Variants in ABCF1 observed in about 807,000 individuals in gnomAD.
ABCF1 encodes the protein ATP-binding cassette sub-family F member 1.
A neutral mutation model predicts 126.3 loss-of-function variants in ABCF1; 73 were observed. The ratio of observed to expected loss-of-function variants is 0.58; its 90% confidence interval spans 0.48 to 0.70. The LOEUF is 0.70. Ranked by LOEUF, ABCF1 falls within the 30% of genes least tolerant of loss-of-function variation. ABCF1 has a pLI of 0.00. For missense variants in ABCF1, 786 were observed against 1,057.5 expected, an observed-to-expected ratio of 0.74 and a Z score of 3.56; for synonymous variants, 345 against 396.4, an observed-to-expected ratio of 0.87 and a Z score of 1.54.
rs374230455 is a variant in ABCF1 at position 30,577,919 on chromosome 6, A to C, written c.216+6A>C. The stretch of plus-strand genomic sequence containing the variant: ...AGCAGCAACAGCAACAGCAGGTACA[A>C]GTGCCACAGGGCCCACCAATCCTGG... On this transcript the variant is annotated splice_donor_region_variant and intron_variant, in intron 3 of 24. Transcript: ENST00000326195. The C allele has an allele frequency of 1.5e-5, 25 of 1,613,970 alleles. No individual in the cohort carries two copies. In the African/African-American group the frequency reaches 2.9e-4, roughly 19 times the overall value.
rs1801982165 is a variant in ABCF1 at position 30,584,160 on chromosome 6, G to A, written c.1103-32G>A. 1 of 1,595,328 alleles carries A rather than the reference G, an allele frequency of 6.3e-7. No individual in the cohort carries two copies. Among genetic ancestry groups the A allele is most frequent in the Non-Finnish European group, 8.5e-7 (1 of 1,171,714 alleles). On this transcript the variant is annotated intron_variant, in intron 12 of 24. Coordinates refer to ENST00000326195, the MANE Select transcript of ABCF1 (RefSeq NM_001025091.2). This position sits in a 1 kb window ranked among gnomAD's most constrained non-coding sequence, Gnocchi z 4.6. ...GAAAGATGAGACTCTTGGCTCTTGAGGCTGCCTGACTGTTCTCCCTCTGCC... is the reference window on the plus strand; with the variant it reads ...GAAAGATGAGACTCTTGGCTCTTGAAGCTGCCTGACTGTTCTCCCTCTGCC...
rs140518607 is a variant in ABCF1 at position 30,579,552 on chromosome 6, G to A, written c.490-379G>A. On this transcript the variant is annotated intron_variant, in intron 6 of 24. Transcript: ENST00000326195. ...GGCTCACTGCAACCTCCGCCTCCCG[G>A]GTTCAAGTGATTCTCCTGCCTCAGC... is the stretch of plus-strand genomic sequence containing the variant. 8.0e-3 allele frequency among the ~76,000 whole-genome samples: 1,206 copies of A among 150,906 alleles called. 13 individuals are homozygous for A. Among genetic ancestry groups the A allele is most frequent in the African/African-American group, 0.026 (1,064 of 40,996 alleles).
At chr6:30,579,113 T>G (rs1582578268) in intron 6 of ABCF1, among the ~76,000 whole-genome samples, 2 of 152,328 alleles carry the variant, frequency 1.3e-5, no homozygotes, top group Admixed American at 6.5e-5. Context: ...GCTCTTCTAC[T>G]TGTGACTCTT....
intron 9 of ABCF1, 132 bp downstream of exon 9, chr6:30,582,639 TG>T (rs1801885982): frequency 1.0e-6 from 1 of 963,552 alleles, no homozygotes. Context: ...AGAAAATAAT[TG>T]TGTTCTGTGA....
intron 3 of ABCF1, 69 bp from the exon 4 acceptor site, chr6:30,578,006 AC>A (rs1325634200): frequency 1.2e-6 from 2 of 1,613,628 alleles, no homozygotes; most frequent in South Asian, 1.1e-5. Context: ...CTGATGGGGA[AC>A]CCTCTGTGAG....
Position 30,584,704 on chromosome 6 carries a change from A to G in ABCF1, c.1391+138A>G. On this transcript the variant is annotated intron_variant, in intron 14 of 24. Transcript: ENST00000326195. This position sits in a 1 kb window ranked among gnomAD's most constrained non-coding sequence, Gnocchi z 4.6. ...CCTCCTTACTATCTGTGTTGTGAGA[A>G]CTTAGGGTCTTTCTCTATTTATCTC... 3.2e-6 allele frequency: 4 copies of G among 1,231,174 alleles called. No individual in the cohort carries two copies. The highest frequency in any genetic ancestry group is 3.3e-6 in the Non-Finnish European group (3 of 905,408). The allele number at this position is 1,231,174 out of a possible 1,614,324, so 76.3% of individuals were successfully genotyped here.
intron 8 of ABCF1, among the ~76,000 whole-genome samples, chr6:30,581,287 T>C (rs1801802364): frequency 6.6e-6 from 1 of 151,986 alleles, no homozygotes; most frequent in Non-Finnish European, 1.5e-5. Flanking sequence ...CTTGTCTCCT[T>C]TGTGTGATAG....
chr6:30,577,596 C>T, intron 2 of ABCF1, 141 bp downstream of exon 2: 3 of 1,128,484 alleles, frequency 2.7e-6, no homozygotes, highest in Non-Finnish European at 3.8e-6. Flanking sequence ...CGGTGGCTTA[C>T]ACCTGTAATC....
intron 2 of ABCF1, 124 bp from the exon 3 acceptor site, chr6:30,577,694 A>G (rs1801576076): frequency 3.8e-6 from 4 of 1,052,860 alleles, no homozygotes; most frequent in Non-Finnish European, 5.6e-6. Context: ...AAAGAAAAAA[A>G]AGAGAGAGAC....
Position 30,586,112 on chromosome 6 carries a change from CTTT to C in ABCF1, c.1714-18_1714-16del. On this transcript the variant is annotated intron_variant, in intron 17 of 24. Coordinates refer to ENST00000326195, the MANE Select transcript of ABCF1 (RefSeq NM_001025091.2). This position sits in a 1 kb window ranked among gnomAD's most constrained non-coding sequence, Gnocchi z 4.9. ...ACTGCCGCGCAGGGCTCAGGTTTCTCTTTTTTCCTCTTCCTCTCCAGGAAAAAC... is the reference window on the plus strand; with the variant it reads ...ACTGCCGCGCAGGGCTCAGGTTTCTCTTTCCTCTTCCTCTCCAGGAAAAAC... 1 of 1,607,640 alleles carries C rather than the reference CTTT, an allele frequency of 6.2e-7. No individual in the cohort carries two copies. The highest frequency in any genetic ancestry group is 8.5e-7 in the Non-Finnish European group (1 of 1,177,766).
chr6:30,589,714 C>T lies in ABCF1; in HGVS notation c.2058C>T (p.His686=), dbSNP rs1802337676. 4.3e-6 allele frequency: 7 copies of T among 1,614,052 alleles called. No individual in the cohort carries two copies. The highest frequency in any genetic ancestry group is 5.9e-6 in the Non-Finnish European group (7 of 1,180,046). ...CCCATGGGGAAATGAGAAAGAACCA[C>T]CGGCTGGTAAGTTGGCATTGGGATT... ...TPTHGEMRKN[H]RLKIGFFNQQ... Residue 686 remains histidine (H), a synonymous_variant, in exon 21 of 25, where the codon CAC becomes CAT. Transcript: ENST00000326195.
intron 6 of ABCF1, among the ~76,000 whole-genome samples, chr6:30,579,510 T>TG (rs1561788728): frequency 7.1e-6 from 1 of 141,080 alleles, no homozygotes; most frequent in Non-Finnish European, 1.5e-5. Flanking sequence ...CAGGCTGGAG[T>TG]GCAGTGGCGT....
chr6:30,585,225 C>T, intron 14 of ABCF1, 35 bp from the exon 15 acceptor site: 1 of 1,581,198 alleles, frequency 6.3e-7, no homozygotes, highest in South Asian at 1.1e-5. Flanking sequence ...GGATCTTTCT[C>T]TCCCTGACCC....
At chr6:30,576,955 A>G (rs950916358) in intron 1 of ABCF1, among the ~76,000 whole-genome samples, 3 of 152,084 alleles carry the variant, frequency 2.0e-5, no homozygotes, top group African/African-American at 4.8e-5. Context: ...CTAACTTCTC[A>G]TACTCCTCAT....
rs761595750 is a variant in ABCF1, at chr6:30,571,509, C to T, written c.22C>T (p.Gln8Ter). The T allele has an allele frequency of 6.2e-7, 1 of 1,611,200 alleles. No homozygotes were observed. The highest frequency in any genetic ancestry group is 8.5e-7 in the Non-Finnish European group (1 of 1,179,534). ...CGCGATGCCGAAGGCGCCCAAGCAG[C>T]AGCCGCCGGAGCCCGAGTGGATCGG... MPKAPKQ[Q>*]PPEPEWIGDG... The change falls in exon 1 of 25, where the codon CAG becomes TAG. Residue 8 changes from glutamine (Q) to a stop codon, truncating the protein, a stop_gained. Transcript: ENST00000326195. LOFTEE classifies it high-confidence loss of function.
chr6:30,588,647 C>T (rs1037576486), intron 20 of ABCF1, among the ~76,000 whole-genome samples: 7 of 152,018 alleles, frequency 4.6e-5, no homozygotes, highest in African/African-American at 1.7e-4. Context: ...GTGTGAGCCA[C>T]CACGCCCGGC....
rs751873821 is a variant in ABCF1, at chr6:30,578,076, C to CA, written c.227dup (p.Arg77AlafsTer14). 2.4e-4 allele frequency: 330 copies of CA among 1,400,436 alleles called. No individual in the cohort carries two copies. The highest frequency in any genetic ancestry group is 7.3e-4 in the Admixed American group (37 of 50,498). The allele number at this position is 1,400,436 out of a possible 1,614,324, so 86.8% of individuals were successfully genotyped here. A position where few individuals can be genotyped will look rare whatever the true frequency, so the allele number is the denominator to read the frequency against. On this transcript the variant is annotated frameshift_variant and splice_region_variant, in exon 4 of 25. Coordinates refer to ENST00000326195, the MANE Select transcript of ABCF1 (RefSeq NM_001025091.2). LOFTEE classifies it high-confidence loss of function. ...CTCACTGTTCTTTTGCTCTCAGCAG[C>CA]AAAAAAAAAAGCGAGATACCCGAAA...
chr6:30,589,829 G>C lies in ABCF1; in HGVS notation c.2088G>C (p.Gln696His). 1.2e-6 allele frequency: 2 copies of C among 1,614,186 alleles called. No homozygotes were observed. Among genetic ancestry groups the C allele is most frequent in the Non-Finnish European group, 1.7e-6 (2 of 1,180,030 alleles). The change falls in exon 22 of 25, where the codon CAG (glutamine) becomes CAC (histidine). Residue 696 changes from glutamine to histidine, a missense_variant. This residue lies in a region of ABCF1 where 288 missense variants were observed against 423.5 expected (regional missense o/e 0.68). Coordinates refer to ENST00000326195, the MANE Select transcript of ABCF1 (RefSeq NM_001025091.2). ...HRLKIGFFNQ[Q>H]YAEQLRMEET... is the part of the protein sequence containing the mutation. ...AGAAAATTGGCTTCTTCAACCAGCA[G>C]TATGCAGAGCAGCTGCGCATGGAGG...
chr6:30,584,577 C>T lies in ABCF1; in HGVS notation c.1391+11C>T. 6.3e-7 allele frequency: 1 copy of T among 1,582,788 alleles called. No homozygotes were observed. ...TGTCTCCCTGGCCAGGTGGGCCATTCACCTCACTGCCCTCCCTTCCAGCCT... is the reference window on the plus strand; with the variant it reads ...TGTCTCCCTGGCCAGGTGGGCCATTTACCTCACTGCCCTCCCTTCCAGCCT... On this transcript the variant is annotated intron_variant, in intron 14 of 24. Coordinates refer to ENST00000326195, the MANE Select transcript of ABCF1 (RefSeq NM_001025091.2). This position sits in a 1 kb window ranked among gnomAD's most constrained non-coding sequence, Gnocchi z 4.6.
Sources: allele counts gnomAD v4.1 joint callset (sites outside exome capture counted in the v4.1 genomes callset), GRCh38; gene constraint gnomAD v4.1.1; regional missense constraint gnomAD v4.1.1; non-coding constraint Gnocchi (gnomAD v3.1); transcripts MANE v1.5; gene names NCBI Gene and HGNC (gene_info 2026-07-23, HGNC 2026-07-21).